Variants in ANO3 observed in about 807,000 individuals in gnomAD.
ANO3 encodes the protein anoctamin 3.
ANO3 carries 99 observed loss-of-function variants against 144.8 expected under a neutral mutation model. The observed-to-expected ratio is 0.68, with a 90% CI of 0.58 to 0.81. The LOEUF (loss-of-function observed/expected upper bound fraction) is 0.81. Ranked by LOEUF, ANO3 falls within the 30% of genes least tolerant of loss-of-function variation. ANO3 has a pLI of 0.00. For missense variants in ANO3, 905 were observed against 1,202.2 expected, an observed-to-expected ratio of 0.75 and a Z score of 3.66; for synonymous variants, 414 against 392.6, an observed-to-expected ratio of 1.05 and a Z score of -0.64.
intron 10 of ANO3, among the ~76,000 whole-genome samples, chr11:26,539,187 A>C (rs1849584996): frequency 6.6e-6 from 1 of 151,972 alleles, no homozygotes; most frequent in African/African-American, 2.4e-5. Flanking sequence ...AGTTTGTCCA[A>C]GATATTGATA....
intron 1 of ANO3, among the ~76,000 whole-genome samples, chr11:26,289,861 G>A (rs997056349): frequency 6.6e-6 from 1 of 151,408 alleles, no homozygotes; most frequent in African/African-American, 2.4e-5. Context: ...ATGTTCATCA[G>A]GGATATTGGT....
intron 1 of ANO3, among the ~76,000 whole-genome samples, chr11:26,298,897 G>A (rs1854153838): frequency 6.6e-6 from 1 of 152,140 alleles, no homozygotes; most frequent in Admixed American, 6.5e-5. Flanking sequence ...CAGTCTGGGA[G>A]CCAAGATCAG....
rs1324484561 is a variant in ANO3 at position 26,563,391 on chromosome 11, C to CTG, written c.1447+3613_1447+3614insGT. On this transcript the variant is annotated intron_variant, in intron 14 of 26. Coordinates refer to ENST00000256737, the MANE Select transcript of ANO3 (RefSeq NM_031418.4). ...TAAAATTAGATAATGGTGTGTTTCT[C>CTG]TCTCTGTGTGTGTGTGTGTGTGTGT... The CTG allele has an allele frequency of 3.3e-4, 281 of 840,850 alleles. No homozygotes were observed. In the African/African-American group the frequency reaches 6.9e-3, roughly 21 times the overall value. 52.1% of individuals were successfully genotyped at this position (840,850 alleles called of 1,614,324 possible).
intron 4 of ANO3, among the ~76,000 whole-genome samples, chr11:26,502,871 T>C (rs1415943901): frequency 6.7e-6 from 1 of 148,496 alleles, no homozygotes; most frequent in Non-Finnish European, 1.5e-5. Context: ...AAAAAGCCTG[T>C]CACCTTCACC....
intron 1 of ANO3, among the ~76,000 whole-genome samples, chr11:26,246,617 G>A (rs1488423666): frequency 1.3e-5 from 2 of 149,274 alleles, no homozygotes; most frequent in Admixed American, 6.6e-5. Context: ...TTCTTTATAT[G>A]TTGTTACTAT....
In ANO3 at chr11:26,448,890, C is replaced by T. The variant is rs558803839; in HGVS notation, c.313+5054C>T. On this transcript the variant is annotated intron_variant, in intron 3 of 26. Transcript: ENST00000256737. ...CCGTCTGCTACCTTCTGTTGGTACG[C>T]TGGTACAATAACTTCCGAACAGATC... Among the ~76,000 whole-genome samples, 1,262 of 152,310 alleles carry T rather than the reference C, an allele frequency of 8.3e-3. 17 individuals are homozygous for T. The highest frequency in any genetic ancestry group is 0.029 in the African/African-American group (1,189 of 41,552).
At chr11:26,412,503 T>C (rs989516472) in intron 1 of ANO3, among the ~76,000 whole-genome samples, 4 of 151,978 alleles carry the variant, frequency 2.6e-5, no homozygotes, top group Non-Finnish European at 4.4e-5. Flanking sequence ...TGTAACAATA[T>C]TAGGATTTTT....
At chr11:26,581,784 G>A (rs994985529) in intron 14 of ANO3, among the ~76,000 whole-genome samples, 1 of 151,588 alleles carries the variant, frequency 6.6e-6, no homozygotes, top group Non-Finnish European at 1.5e-5. Flanking sequence ...TGTGGAAACT[G>A]ACTGGTTGTG....
At chr11:26,449,960 T>C (rs964648400) in intron 3 of ANO3, among the ~76,000 whole-genome samples, 4 of 152,114 alleles carry the variant, frequency 2.6e-5, no homozygotes, top group Middle Eastern at 3.2e-3. Context: ...TTTACCATGT[T>C]GGGCAGGCTG....
At chr11:26,351,712 A>C (rs753384093) in intron 1 of ANO3, among the ~76,000 whole-genome samples, 1 of 152,216 alleles carries the variant, frequency 6.6e-6, no homozygotes, top group African/African-American at 2.4e-5. Flanking sequence ...GCCACCTTTC[A>C]TTGGTTGAAA....
intron 17 of ANO3, among the ~76,000 whole-genome samples, chr11:26,602,011 A>G (rs1256198626): frequency 6.6e-6 from 1 of 152,164 alleles, no homozygotes; most frequent in Non-Finnish European, 1.5e-5. Flanking sequence ...GGCCCTGAGT[A>G]AGGTGAGAAA....
intron 1 of ANO3, among the ~76,000 whole-genome samples, chr11:26,199,934 C>T (rs1016525845): frequency 6.6e-6 from 1 of 152,090 alleles, no homozygotes; most frequent in African/African-American, 2.4e-5. Context: ...TAATTTATGA[C>T]CATACAGTAT....
chr11:26,258,967 C>T lies in ANO3; in HGVS notation c.155-50678C>T, dbSNP rs190589702. Reference sequence around the variant, plus strand: ...TCATCCCACTGTTTCTCCACAGTGACATATTCATGGAGTTTAGATTGGGTT... The same window carrying T: ...TCATCCCACTGTTTCTCCACAGTGATATATTCATGGAGTTTAGATTGGGTT... On this transcript the variant is annotated intron_variant, in intron 1 of 27. Transcript: ENST00000672621. Among the ~76,000 whole-genome samples, 874 of 152,318 alleles carry T rather than the reference C, an allele frequency of 5.7e-3. 2 individuals are homozygous for T. Among genetic ancestry groups the T allele is most frequent in the Middle Eastern group, 0.01 (3 of 294 alleles).
chr11:26,202,075 C>G (rs1479873692), intron 1 of ANO3, among the ~76,000 whole-genome samples: 1 of 150,864 alleles, frequency 6.6e-6, no homozygotes, highest in African/African-American at 2.4e-5. Flanking sequence ...GCAAACTGAT[C>G]CCCTGGAGAT....
chr11:26,661,068 C>T lies in ANO3; in HGVS notation c.*624C>T, dbSNP rs1853863379. 1 of 152,450 alleles carries T rather than the reference C, an allele frequency of 6.6e-6. No homozygotes were observed. Among genetic ancestry groups the T allele is most frequent in the African/African-American group, 2.4e-5 (1 of 41,412 alleles). The allele number at this position is 152,450 out of a possible 1,614,324, so 9.4% of individuals were successfully genotyped here. On this transcript the variant is annotated 3_prime_UTR_variant, in exon 27 of 27. Coordinates refer to ENST00000256737, the MANE Select transcript of ANO3 (RefSeq NM_031418.4). ...TTGCACATCACCTTTAGTAGTCAAA[C>T]CAAAAATCTAAGATTCCAAAAAGAA...
intron 19 of ANO3, 89 bp downstream of exon 19, chr11:26,634,404 T>A: frequency 1.2e-6 from 1 of 818,186 alleles, no homozygotes; most frequent in Non-Finnish European, 1.9e-6. Flanking sequence ...TCAAATGATT[T>A]CTGACAGCCA....
At position 26,638,182 on chromosome 11, in the gene ANO3, G is replaced by T. The variant is rs186806130; in HGVS notation, c.2044-962G>T. Among the ~76,000 whole-genome samples the T allele has an allele frequency of 1.7e-3, 255 of 152,156 alleles. 1 individual carries two copies. Among genetic ancestry groups the T allele is most frequent in the African/African-American group, 5.5e-3 (228 of 41,504 alleles). Reference sequence around the variant, plus strand: ...ACACCTCCCCACCATCTTGAGAATGGGCTAGACTTAGTGGCTCCCTTCTAA... The same window carrying T: ...ACACCTCCCCACCATCTTGAGAATGTGCTAGACTTAGTGGCTCCCTTCTAA... On this transcript the variant is annotated intron_variant, in intron 20 of 26. Coordinates refer to ENST00000256737, the MANE Select transcript of ANO3 (RefSeq NM_031418.4).
chr11:26,345,325 C>A lies in ANO3; in HGVS notation c.46+13004C>A, dbSNP rs559599731. Among the ~76,000 whole-genome samples the A allele has an allele frequency of 2.6e-5, 4 of 152,282 alleles. No individual in the cohort carries two copies. The East Asian group carries it at 7.7e-4, about 29-fold the overall frequency. On this transcript the variant is annotated intron_variant, in intron 1 of 26. Coordinates refer to ENST00000256737, the MANE Select transcript of ANO3 (RefSeq NM_031418.4). ...ATCCCAGCACTTTGAGAGGCTGAAG[C>A]GGGCAGATCACCTGAGGTCAGGAGT...
At chr11:26,289,315 T>A (rs1317952652) in intron 1 of ANO3, among the ~76,000 whole-genome samples, 1 of 151,782 alleles carries the variant, frequency 6.6e-6, no homozygotes, top group Non-Finnish European at 1.5e-5. Flanking sequence ...CTGAGCATAC[T>A]CAGTAATAAA....
Sources: allele counts gnomAD v4.1 joint callset (sites outside exome capture counted in the v4.1 genomes callset), GRCh38; gene constraint gnomAD v4.1.1; transcripts MANE v1.5; gene names NCBI Gene and HGNC (gene_info 2026-07-23, HGNC 2026-07-21).